KRT27: variants seen among roughly 807,000 people sequenced by gnomAD.
KRT27 encodes keratin, type I cytoskeletal 27.
A neutral mutation model predicts 45.3 loss-of-function variants in KRT27; 30 were observed. The ratio of observed to expected loss-of-function variants is 0.66; its 90% CI spans 0.50 to 0.90. KRT27 has a LOEUF of 0.90. KRT27 is among the 40% of genes least tolerant of loss of function. The pLI is 0.00. For synonymous variants in KRT27, 204 were observed against 223.9 expected, an observed-to-expected ratio of 0.91 and a Z score of 0.79; for missense variants, 610 against 564.3, an observed-to-expected ratio of 1.08 and a Z score of -0.82.
Position 40,777,509 on chromosome 17 carries a change from ACTGACCCATCTT to A in KRT27, c.1184_1190+5del. ...GAATTGTTTTCTCAATGGCGGCAAT[ACTGACCCATCTT>A]CTCCATCTATCAGGAGGCAGTAGGT... On this transcript the variant is annotated splice_donor_variant and splice_donor_5th_base_variant and coding_sequence_variant and intron_variant, in exon 6 of 8. Transcript: ENST00000301656. LOFTEE classifies it high-confidence loss of function. 6.2e-7 allele frequency: 1 copy of A among 1,613,784 alleles called. No individual in the cohort carries two copies. Among genetic ancestry groups the A allele is most frequent in the South Asian group, 1.1e-5 (1 of 91,064 alleles).
Position 40,777,725 on chromosome 17 carries a change from G to C in KRT27, c.980C>G (p.Ser327Cys). The change falls in exon 6 of 8, where the codon TCC becomes TGC. Residue 327 changes from serine (S) to cysteine (C), a missense_variant. By Grantham distance (112) the Ser-to-Cys change is moderately radical. Coordinates refer to ENST00000301656, the MANE Select transcript of KRT27 (RefSeq NM_181537.4). Reference protein sequence around the residue: ...ELQSLLATKHSLECSLTETES... With the variant: ...ELQSLLATKHCLECSLTETES... ...GGTCTCTGTCAAGGAGCACTCCAGG[G>C]AGTGTTTCTGTAGTTTGGTAAGACA... The C allele has an allele frequency of 6.2e-7, 1 of 1,614,130 alleles. No homozygotes were observed. Among genetic ancestry groups the C allele is most frequent in the Non-Finnish European group, 8.5e-7 (1 of 1,180,004 alleles).
chr17:40,779,440 TTC>T (rs1157427685), intron 5 of KRT27, 60 bp downstream of exon 5: 8 of 1,552,740 alleles, frequency 5.2e-6, no homozygotes, highest in Non-Finnish European at 7.0e-6. Context: ...TGGAAGAAAA[TTC>T]TCTTCGATTA....
intron 2 of KRT27, among the ~76,000 whole-genome samples, 192 bp from the exon 3 acceptor site, chr17:40,780,648 C>G (rs1157995495): frequency 6.6e-6 from 1 of 151,864 alleles, no homozygotes; most frequent in Non-Finnish European, 1.5e-5. Flanking sequence ...ATCACGAGGT[C>G]AGGAGATCGA....
chr17:40,780,656 C>T (rs1321840085), intron 2 of KRT27, among the ~76,000 whole-genome samples, 200 bp from the exon 3 acceptor site: 2 of 151,338 alleles, frequency 1.3e-5, no homozygotes, highest in Non-Finnish European at 3.0e-5. Flanking sequence ...GTCAGGAGAT[C>T]GAGATCACGG....
intron 2 of KRT27, 51 bp downstream of exon 2, chr17:40,781,137 A>G: frequency 2.6e-6 from 3 of 1,159,578 alleles, no homozygotes; most frequent in Non-Finnish European, 2.5e-6. Context: ...AATAAAGGAG[A>G]AAAAATGCTT....
rs555100425 is a variant in KRT27 at position 40,779,386 on chromosome 17, A to G, written c.972+116T>C. 19 of 1,293,368 alleles carry G rather than the reference A, an allele frequency of 1.5e-5. No individual in the cohort carries two copies. In the East Asian group the frequency reaches 4.3e-4, roughly 29 times the overall value. The allele number at this position is 1,293,368 out of a possible 1,614,324, so 80.1% of individuals were successfully genotyped here. A position where few individuals can be genotyped will look rare whatever the true frequency, so the allele number is the denominator to read the frequency against. Reference sequence around the variant, plus strand: ...GCAAAATGCAAATATGTCTTATGTCAAGCACTGTAATTAATGGTTAAAAAC... The same window carrying G: ...GCAAAATGCAAATATGTCTTATGTCGAGCACTGTAATTAATGGTTAAAAAC... On this transcript the variant is annotated intron_variant, in intron 5 of 7. Transcript: ENST00000301656.
chr17:40,779,623 G>T lies in KRT27; in HGVS notation c.851C>A (p.Ala284Asp). Residue 284 changes from alanine to aspartate, a missense_variant, in exon 5 of 8, where the codon GCC becomes GAC. Coordinates refer to ENST00000301656, the MANE Select transcript of KRT27 (RefSeq NM_181537.4). ...DAEAWFNEKS[A>D]SLQQQISDDA... The stretch of plus-strand genomic sequence containing the variant: ...GTCAGAGATCTGCTGCTGCAGCGAG[G>T]CGCTCTGGAACGGCAGGGGCCGCGT... 1 of 1,614,194 alleles carries T rather than the reference G, an allele frequency of 6.2e-7. No homozygotes were observed. The highest frequency in any genetic ancestry group is 1.1e-5 in the South Asian group (1 of 91,084).
chr17:40,780,205 G>C, intron 3 of KRT27, 95 bp downstream of exon 3: 2 of 1,222,118 alleles, frequency 1.6e-6, no homozygotes, highest in South Asian at 1.7e-5. Context: ...GTTCCTTCTT[G>C]AATGTTAATT....
chr17:40,781,265 A>C lies in KRT27; in HGVS notation c.450T>G (p.Ile150Met), dbSNP rs1351213789. The change falls in exon 2 of 8, where the codon ATT (isoleucine) becomes ATG (methionine). Residue 150 changes from isoleucine (I) to methionine (M), a missense_variant. Physicochemically the swap from Ile to Met is conservative, Grantham distance 10. Coordinates refer to ENST00000301656, the MANE Select transcript of KRT27 (RefSeq NM_181537.4). Reference protein sequence around the residue: ...PIIDELKNQIISATTSNAHVV... With the variant: ...PIIDELKNQIMSATTSNAHVV... ...CATGGGCATTACTGGTAGTTGCAGA[A>C]ATTATCTGACAAATGAAAAGTTAGT... 1 of 1,597,242 alleles carries C rather than the reference A, an allele frequency of 6.3e-7. No individual in the cohort carries two copies. Among genetic ancestry groups the C allele is most frequent in the Non-Finnish European group, 8.6e-7 (1 of 1,166,456 alleles).
At position 40,779,735 on chromosome 17, in the gene KRT27, T is replaced by C; in HGVS notation, c.811A>G (p.Asn271Asp). 6.2e-7 allele frequency: 1 copy of C among 1,614,220 alleles called. No homozygotes were observed. The change falls in exon 4 of 8, where the codon AAC (asparagine) becomes GAC (aspartate). Residue 271 changes from asparagine (N) to aspartate (D), a missense_variant. Coordinates refer to ENST00000301656, the MANE Select transcript of KRT27 (RefSeq NM_181537.4). ...AACCAGGCCTCCGCGTCCCTGCGGT[T>C]CTGCTCTGCGAGGGCTTCGTACTCA... is the stretch of plus-strand genomic sequence containing the variant. ...RAEYEALAEQ[N>D]RRDAEAWFNE... is the part of the protein sequence containing the mutation.
rs759475185 is a variant in KRT27, at chr17:40,780,458, T to G, written c.528-2A>C. 6.2e-7 allele frequency: 1 copy of G among 1,612,396 alleles called. No individual in the cohort carries two copies. The highest frequency in any genetic ancestry group is 1.1e-5 in the South Asian group (1 of 90,708). ...TGAAGCGCTAGCTCGTTTTCAAACC[T>G]TAGAAAAGTATTTGGAAGTTTCATC... On this transcript the variant is annotated splice_acceptor_variant, in intron 2 of 7. Transcript: ENST00000301656. LOFTEE classifies it high-confidence loss of function.
In KRT27 at chr17:40,782,142, C is replaced by T. The variant is rs752170063; in HGVS notation, c.352G>A (p.Gly118Arg). The change falls in exon 1 of 8, where the codon GGG becomes AGG. Residue 118 changes from glycine to arginine, a missense_variant. Transcript: ENST00000301656. ...ANADLEQKIKGWYEKFGPGSC... is the reference protein window; with the variant it reads ...ANADLEQKIKRWYEKFGPGSC... The stretch of plus-strand genomic sequence containing the variant: ...CCAGGTCCAAATTTCTCATACCACC[C>T]CTTGATCTTCTGCTCCAAGTCAGCG... 2.5e-6 allele frequency: 4 copies of T among 1,614,082 alleles called. No homozygotes were observed. The African/African-American group carries it at 5.3e-5, about 22-fold the overall frequency.
intron 7 of KRT27, 21 bp from the exon 8 acceptor site, chr17:40,777,159 T>G: frequency 1.2e-6 from 2 of 1,610,822 alleles, no homozygotes; most frequent in Non-Finnish European, 1.7e-6. Flanking sequence ...ACATATAAAC[T>G]GTTTAGAATT....
chr17:40,782,055 T>C lies in KRT27; in HGVS notation c.439A>G (p.Asn147Asp). The C allele has an allele frequency of 6.2e-7, 1 of 1,609,388 alleles. No homozygotes were observed. Among genetic ancestry groups the C allele is most frequent in the Non-Finnish European group, 8.5e-7 (1 of 1,179,786 alleles). Residue 147 changes from asparagine to aspartate, a missense_variant, in exon 1 of 8, where the codon AAC (asparagine) becomes GAC (aspartate). Physicochemically the swap from Asn to Asp is conservative, Grantham distance 23. Coordinates refer to ENST00000301656, the MANE Select transcript of KRT27 (RefSeq NM_181537.4). ...RYFPIIDELKNQIISATTSNA... is the reference protein window; with the variant it reads ...RYFPIIDELKDQIISATTSNA... ...CACGCCATGGCGTTTCTTACCTGGT[T>C]CTTAAGTTCGTCAATAATTGGGAAA...
intron 3 of KRT27, 130 bp from the exon 4 acceptor site, chr17:40,779,991 T>C: frequency 8.8e-7 from 1 of 1,138,422 alleles, no homozygotes; most frequent in South Asian, 1.7e-5. Flanking sequence ...AGCCTCGAAA[T>C]CCTGGCCTCA....
rs765466720 is a variant in KRT27 at position 40,779,584 on chromosome 17, G to A, written c.890C>T (p.Thr297Ile). Residue 297 changes from threonine to isoleucine, a missense_variant, in exon 5 of 8, where the codon ACC (threonine) becomes ATC (isoleucine). Thr to Ile is a moderately conservative substitution (Grantham distance 89). Transcript: ENST00000301656. ...GATAAGCTCATTCCGGGCTGAGGTG[G>A]TGGCGCCAGCGTCGTCAGAGATCTG... ...QQQISDDAGATTSARNELIEM... is the reference protein window; with the variant it reads ...QQQISDDAGAITSARNELIEM... 1.2e-6 allele frequency: 2 copies of A among 1,614,218 alleles called. No individual in the cohort carries two copies. The highest frequency in any genetic ancestry group is 1.7e-6 in the Non-Finnish European group (2 of 1,179,998).
intron 5 of KRT27, among the ~76,000 whole-genome samples, chr17:40,779,218 T>C (rs762579475): frequency 5.3e-5 from 8 of 152,120 alleles, no homozygotes; most frequent in Non-Finnish European, 1.0e-4. Flanking sequence ...ATATGAGTGG[T>C]TTTTGATATT....
intron 6 of KRT27, 100 bp downstream of exon 6, chr17:40,777,415 A>C (rs2038275175): frequency 4.6e-6 from 7 of 1,530,426 alleles, no homozygotes; most frequent in Non-Finnish European, 6.3e-6. Flanking sequence ...AAAGAGTATT[A>C]TCTATGCGTG....
In KRT27 at chr17:40,782,265, G is replaced by A; in HGVS notation, c.229C>T (p.His77Tyr). ...ASCAAFTGNE[H>Y]GLLSGNEKVT... ...TTCTCATTGCCAGAGAGGAGGCCGTGCTCATTCCCTGTGAAGGCAGCACAG... is the reference window on the plus strand; with the variant it reads ...TTCTCATTGCCAGAGAGGAGGCCGTACTCATTCCCTGTGAAGGCAGCACAG... Residue 77 changes from histidine to tyrosine, a missense_variant, in exon 1 of 8, where the codon CAC becomes TAC. By Grantham distance (83) the His-to-Tyr change is moderately conservative. Coordinates refer to ENST00000301656, the MANE Select transcript of KRT27 (RefSeq NM_181537.4). 1 of 1,614,184 alleles carries A rather than the reference G, an allele frequency of 6.2e-7. No homozygotes were observed. Among genetic ancestry groups the A allele is most frequent in the Non-Finnish European group, 8.5e-7 (1 of 1,180,030 alleles).
Sources: gnomAD v4.1 joint callset for allele counts (sites outside exome capture counted in the v4.1 genomes callset) on GRCh38, gnomAD v4.1.1 for gene constraint, MANE v1.5 for transcripts, NCBI Gene and HGNC (gene_info 2026-07-23, HGNC 2026-07-21) for gene names.